CUL3: variants seen among roughly 807,000 people sequenced by gnomAD.
CUL3 encodes the protein cullin-3.
In CUL3, 19 loss-of-function variants were observed where a neutral mutation model predicts 89.1. The observed-to-expected ratio is 0.21, with a 90% CI of 0.15 to 0.31. CUL3 has a LOEUF of 0.31. Among genes scored for constraint, CUL3 ranks in the 10% least tolerant of loss-of-function variants. The pLI, the probability that CUL3 is intolerant of heterozygous loss-of-function variation, is 1.00. For synonymous variants in CUL3, 351 were observed against 308.4 expected (o/e 1.14, Z -1.45); for missense variants, 469 against 942.3 (o/e 0.50, Z 6.58).
intron 1 of CUL3, among the ~76,000 whole-genome samples, chr2:224,571,592 A>G (rs1436813603): frequency 6.6e-6 from 1 of 152,216 alleles, no homozygotes; most frequent in African/African-American, 2.4e-5. Flanking sequence ...TCTATGACAC[A>G]AAATTGTTAC....
At chr2:224,546,274 T>G (rs1020212812) in intron 2 of CUL3, among the ~76,000 whole-genome samples, 2 of 152,166 alleles carry the variant, frequency 1.3e-5, no homozygotes, top group African/African-American at 4.8e-5. Context: ...AGTATTTTTG[T>G]TCTCGAGTAC....
At chr2:224,496,045 G>A (rs1692158081) in intron 12 of CUL3, 79 bp from the exon 13 acceptor site, 2 of 1,417,132 alleles carry the variant, frequency 1.4e-6, no homozygotes, top group Non-Finnish European at 2.0e-6. Flanking sequence ...ACGTACATAT[G>A]TATGTTACAG....
chr2:224,557,801 A>G lies in CUL3; in HGVS notation c.122T>C (p.Ile41Thr). 1 of 1,518,558 alleles carries G rather than the reference A, an allele frequency of 6.6e-7. No homozygotes were observed. Among genetic ancestry groups the G allele is most frequent in the Non-Finnish European group, 8.9e-7 (1 of 1,125,242 alleles). 94.1% of individuals were successfully genotyped at this position (1,518,558 alleles called of 1,614,324 possible). A position where few individuals can be genotyped will look rare whatever the true frequency, so the allele number is the denominator to read the frequency against. The change falls in exon 2 of 16, where the codon ATT becomes ACT. Residue 41 changes from isoleucine to threonine, a missense_variant. Physicochemically the swap from Ile to Thr is moderately conservative, Grantham distance 89. Around this residue, in one of 4 missense-constraint regions of CUL3, gnomAD observed 370 missense variants for 733.2 expected, o/e 0.50. Transcript: ENST00000264414. ...NSIWDLLKNA[I>T]QEIQRKNNSG... is the part of the protein sequence containing the mutation. The stretch of plus-strand genomic sequence containing the variant: ...GTTATTCTTACGCTGGATTTCTTGA[A>G]TTGCATTTTTCAGAAGGTCCCAAAT...
chr2:224,532,475 A>AT (rs35021843), intron 3 of CUL3, among the ~76,000 whole-genome samples: 26,391 of 151,230 alleles, frequency 0.17, 2,479 homozygotes, highest in South Asian at 0.26. Context: ...AAAAAAAAAA[A>AT]CAAGGAGAAT....
intron 2 of CUL3, among the ~76,000 whole-genome samples, chr2:224,546,503 G>GTTTC (rs1405005693): frequency 4.6e-5 from 7 of 152,076 alleles, no homozygotes; most frequent in South Asian, 2.1e-4. Flanking sequence ...AACCAAGGTG[G>GTTTC]TTTCCATTTT....
At chr2:224,533,119 G>C (rs1693754121) in intron 3 of CUL3, 1 of 152,230 alleles carries the variant, frequency 6.6e-6, no homozygotes, top group South Asian at 2.1e-4. Context: ...AAACTGCTGG[G>C]CAGTGTGAAG....
intron 2 of CUL3, among the ~76,000 whole-genome samples, chr2:224,547,810 T>C (rs894909265): frequency 5.9e-5 from 9 of 152,094 alleles, no homozygotes; most frequent in African/African-American, 1.7e-4. Flanking sequence ...GGAAAAGCAC[T>C]CCAAAAGCTT....
At chr2:224,571,334 A>C (rs1695174905) in intron 1 of CUL3, among the ~76,000 whole-genome samples, 1 of 152,190 alleles carries the variant, frequency 6.6e-6, no homozygotes, top group Non-Finnish European at 1.5e-5. Context: ...ACTACTATTT[A>C]TACTATTTAA....
chr2:224,528,542 G>A (rs558509242), intron 3 of CUL3, among the ~76,000 whole-genome samples: 1 of 147,298 alleles, frequency 6.8e-6, no homozygotes, highest in Admixed American at 6.8e-5. Flanking sequence ...TTAGGGGGCT[G>A]GGGAGTAGCC....
intron 8 of CUL3, among the ~76,000 whole-genome samples, chr2:224,504,711 T>C (rs978441356): frequency 1.3e-5 from 2 of 152,226 alleles, no homozygotes; most frequent in African/African-American, 4.8e-5. Context: ...GACTTTTCTA[T>C]TCTGTGCAAC....
chr2:224,517,116 C>T (rs1693083045), intron 3 of CUL3, among the ~76,000 whole-genome samples: 1 of 152,102 alleles, frequency 6.6e-6, no homozygotes, highest in Non-Finnish European at 1.5e-5. Flanking sequence ...ACTATTATTG[C>T]TTAAACTATT....
chr2:224,507,064 T>G, intron 6 of CUL3, 61 bp from the exon 7 acceptor site: 1 of 1,500,282 alleles, frequency 6.7e-7, no homozygotes, highest in Non-Finnish European at 9.1e-7. Context: ...CACGAATCTC[T>G]GTTCACGCTA....
rs527592609 is a variant in CUL3, at chr2:224,542,237, A to G, written c.265-6596T>C. 9.2e-5 allele frequency among the ~76,000 whole-genome samples: 14 copies of G among 152,316 alleles called. No individual in the cohort carries two copies. In the South Asian group the frequency reaches 2.7e-3, roughly 29 times the overall value. On this transcript the variant is annotated intron_variant, in intron 2 of 15. Coordinates refer to ENST00000264414, the MANE Select transcript of CUL3 (RefSeq NM_003590.5). Reference sequence around the variant, plus strand: ...CTGCAACAATTCAAACTTGACCACTATTCTTTGTTTCTGTGGATATAGCTT... The same window carrying G: ...CTGCAACAATTCAAACTTGACCACTGTTCTTTGTTTCTGTGGATATAGCTT...
intron 5 of CUL3, 36 bp downstream of exon 5, chr2:224,513,488 C>A: frequency 7.8e-7 from 1 of 1,285,146 alleles, no homozygotes; most frequent in Non-Finnish European, 1.1e-6. Context: ...TTAAGAACAT[C>A]TTAAAAGATT....
In CUL3 at chr2:224,585,182, C is replaced by CGGCGGCGGGGGCGGCGGG. The variant is rs1553538491; in HGVS notation, c.-174_-173insCCCGCCGCCCCCGCCGCC. The CGGCGGCGGGGGCGGCGGG allele has an allele frequency of 1.4e-5, 1 of 70,882 alleles. No homozygotes were observed. The highest frequency in any genetic ancestry group is 7.0e-5 in the African/African-American group (1 of 14,366). 4.4% of individuals were successfully genotyped at this position (70,882 alleles called of 1,614,324 possible). A position where few individuals can be genotyped will look rare whatever the true frequency, so the allele number is the denominator to read the frequency against. On this transcript the variant is annotated 5_prime_UTR_variant, in exon 1 of 16. Transcript: ENST00000264414. ...GCAGCCGCGGCGGCGGCGGGGGCGGCGGCGGCGGCGGCGGCGGCTCGGACT... is the reference window on the plus strand; with the variant it reads ...GCAGCCGCGGCGGCGGCGGGGGCGGCGGCGGCGGGGGCGGCGGGGGCGGCGGCGGCGGCGGCTCGGACT...
At chr2:224,552,380 T>C (rs1054487876) in intron 2 of CUL3, among the ~76,000 whole-genome samples, 3 of 152,200 alleles carry the variant, frequency 2.0e-5, no homozygotes, top group African/African-American at 7.2e-5. Context: ...ACTAAATTCC[T>C]ATGGGTGTCA....
chr2:224,522,531 C>T (rs1693305326), intron 3 of CUL3, among the ~76,000 whole-genome samples: 1 of 152,134 alleles, frequency 6.6e-6, no homozygotes, highest in South Asian at 2.1e-4. Context: ...GACTTAGCCA[C>T]TACTAAAAAG....
chr2:224,535,671 C>T, intron 2 of CUL3, 30 bp from the exon 3 acceptor site: 3 of 1,213,712 alleles, frequency 2.5e-6, no homozygotes, highest in South Asian at 2.4e-5. Context: ...TTAGTTTGCA[C>T]ACACACATCC....
chr2:224,486,487 C>A (rs910721845), intron 13 of CUL3, among the ~76,000 whole-genome samples: 1 of 151,686 alleles, frequency 6.6e-6, no homozygotes, highest in African/African-American at 2.4e-5. Flanking sequence ...GTATCAACAG[C>A]CAAATCGATC....
Sources: allele counts gnomAD v4.1 joint callset (sites outside exome capture counted in the v4.1 genomes callset), GRCh38; gene constraint gnomAD v4.1.1; regional missense constraint gnomAD v4.1.1; transcripts MANE v1.5; gene names NCBI Gene and HGNC (gene_info 2026-07-23, HGNC 2026-07-21).